SOD2: variants seen among roughly 807,000 people sequenced by gnomAD.
SOD2 encodes the protein superoxide dismutase 2.
A neutral mutation model predicts 27.0 loss-of-function variants in SOD2; 11 were observed. The observed-to-expected ratio is 0.41, with a 90% CI of 0.26 to 0.67. The LOEUF (loss-of-function observed/expected upper bound fraction) is 0.67, where lower values mean the gene tolerates loss of function less well. SOD2 is among the 30% of genes least tolerant of loss of function. The probability of loss-of-function intolerance (pLI) is 0.34; values close to 1 mark genes in which losing one functional copy is unlikely to be tolerated. For missense variants in SOD2, 250 were observed against 274.5 expected (o/e 0.91, Z 0.63); for synonymous variants, 105 against 103.0 (o/e 1.02, Z -0.12).
chr6:159,745,604 TGA>T (rs1159260315), upstream of SOD2, among the ~76,000 whole-genome samples: 3 of 152,028 alleles, frequency 2.0e-5, no homozygotes, highest in Admixed American at 1.3e-4. Flanking sequence ...AAGTTTCAGG[TGA>T]GAGTGAAAAA....
At chr6:159,749,460 G>T (rs570996229), upstream of SOD2, 28 of 979,214 alleles carry the variant, frequency 2.9e-5, no homozygotes, top group East Asian at 1.1e-4. Flanking sequence ...AGAATATTAT[G>T]ATGATTTTGT....
upstream of SOD2, among the ~76,000 whole-genome samples, chr6:159,731,320 T>C (rs1226668877): frequency 2.0e-5 from 3 of 151,096 alleles, no homozygotes; most frequent in Non-Finnish European, 4.4e-5. Context: ...AAAAACAAAT[T>C]AGCTGGGCGT....
chr6:159,684,442 C>A (rs1346771014), intron 4 of SOD2, among the ~76,000 whole-genome samples: 1 of 151,726 alleles, frequency 6.6e-6, no homozygotes, highest in Non-Finnish European at 1.5e-5. Context: ...CATGGTGAAA[C>A]CCTGTCTGTA....
At chr6:159,711,991 TCAGAC>T (rs1777794612) in intron 1 of SOD2, among the ~76,000 whole-genome samples, 4 of 86,712 alleles carry the variant, frequency 4.6e-5, no homozygotes, top group African/African-American at 2.0e-4. Flanking sequence ...CTCACACTGC[TCAGAC>T]CTCCATAACC....
chr6:159,743,594 T>TA, intron 1 of SOD2: 2 of 1,414,502 alleles, frequency 1.4e-6, no homozygotes, highest in East Asian at 2.4e-5. Context: ...CCCTAGTTCT[T>TA]ATTGTTCTTG....
chr6:159,721,778 G>C (rs182077511), intron 1 of SOD2, among the ~76,000 whole-genome samples: 7 of 146,754 alleles, frequency 4.8e-5, no homozygotes, highest in Admixed American at 4.3e-4. Flanking sequence ...GCTAGCCTCG[G>C]CCTCCCAAAG....
upstream of SOD2, among the ~76,000 whole-genome samples, chr6:159,746,559 T>C (rs1779588374): frequency 6.6e-6 from 1 of 152,232 alleles, no homozygotes; most frequent in Non-Finnish European, 1.5e-5. Flanking sequence ...TTTGTCTACA[T>C]GCAGTCTTTG....
rs537959196 is a variant in SOD2, at chr6:159,672,242, C to T, written c.*10251G>A. 28 of 152,184 alleles carry T rather than the reference C, an allele frequency of 1.8e-4. No homozygotes were observed. Among genetic ancestry groups the T allele is most frequent in the African/African-American group, 3.9e-4 (16 of 41,526 alleles). 9.4% of individuals were successfully genotyped at this position (152,184 alleles called of 1,614,324 possible). Reference sequence around the variant, plus strand: ...ATTCAAATTCAGGAAATACAGAGAACGCCACAAAGATACTCCTCGAGAAGA... The same window carrying T: ...ATTCAAATTCAGGAAATACAGAGAATGCCACAAAGATACTCCTCGAGAAGA... On this transcript the variant is annotated 3_prime_UTR_variant, in exon 5 of 5. Coordinates refer to ENST00000538183, the MANE Select transcript of SOD2 (RefSeq NM_000636.4).
chr6:159,721,673 AC>A (rs1778042977), intron 1 of SOD2, among the ~76,000 whole-genome samples: 2 of 109,232 alleles, frequency 1.8e-5, no homozygotes, highest in Admixed American at 1.1e-4. Flanking sequence ...ACTGCGGCTG[AC>A]CTTTTTTTTT....
intron 1 of SOD2, among the ~76,000 whole-genome samples, chr6:159,701,373 A>G (rs1459752939): frequency 2.0e-5 from 3 of 152,174 alleles, no homozygotes; most frequent in African/African-American, 7.2e-5. Context: ...AAGTGATTAT[A>G]AGACTTTTTA....
upstream of SOD2, chr6:159,727,549 GGGAGCGCAGGGGTTGCGGCGGGACTA>G (rs1778264347): frequency 5.1e-6 from 5 of 989,074 alleles, no homozygotes; most frequent in South Asian, 1.8e-4. Context: ...ACAAATAAAG[GGGAGCGCAGGGGTTGCGGCGGGACTA>G]GGAGCGCGGC....
At chr6:159,713,787 A>G in intron 1 of SOD2, 1 of 978,680 alleles carries the variant, frequency 1.0e-6, no homozygotes, top group Non-Finnish European at 1.7e-6. Context: ...TTTAAAGCCA[A>G]TTTCGCTTCA....
intron 1 of SOD2, among the ~76,000 whole-genome samples, chr6:159,700,064 A>G (rs936610948): frequency 1.3e-5 from 2 of 152,218 alleles, no homozygotes; most frequent in South Asian, 2.1e-4. Context: ...CATAAAATAA[A>G]ACTTCATTTT....
chr6:159,727,744 T>A (rs1361110988), upstream of SOD2: 2 of 981,020 alleles, frequency 2.0e-6, no homozygotes, highest in African/African-American at 3.5e-5. Context: ...GCGGGGGACC[T>A]CCGGGGCCTG....
At chr6:159,706,254 T>A (rs1279933851) in intron 1 of SOD2, among the ~76,000 whole-genome samples, 5 of 152,148 alleles carry the variant, frequency 3.3e-5, no homozygotes, top group Admixed American at 6.5e-5. Flanking sequence ...CAGGATCAAA[T>A]TCACACATAA....
chr6:159,712,797 G>T, intron 1 of SOD2: 1 of 535,374 alleles, frequency 1.9e-6, no homozygotes, highest in Non-Finnish European at 3.7e-6. Context: ...AGACTGGTTG[G>T]GTAAGCCCAT....
chr6:159,670,394 GT>G lies in SOD2; in HGVS notation c.*12098del, dbSNP rs755621106. The stretch of plus-strand genomic sequence containing the variant: ...TAACTAGGAGCTAAAAGATTCATTT[GT>G]TTTTTTCCTCCAGGCATCCACTCTG... On this transcript the variant is annotated 3_prime_UTR_variant, in exon 5 of 5. Coordinates refer to ENST00000538183, the MANE Select transcript of SOD2 (RefSeq NM_000636.4). 6.6e-6 allele frequency: 1 copy of G among 152,156 alleles called. No individual in the cohort carries two copies. The highest frequency in any genetic ancestry group is 2.4e-5 in the African/African-American group (1 of 41,426). 9.4% of individuals were successfully genotyped at this position (152,156 alleles called of 1,614,324 possible). A position where few individuals can be genotyped will look rare whatever the true frequency, so the allele number is the denominator to read the frequency against.
intron 1 of SOD2, among the ~76,000 whole-genome samples, chr6:159,757,082 G>A (rs1780025843): frequency 6.6e-6 from 1 of 152,170 alleles, no homozygotes; most frequent in Non-Finnish European, 1.5e-5. Flanking sequence ...AGGAGAAAAT[G>A]TTTTTAAGGT....
At chr6:159,689,178 A>G (rs1352020181) in intron 2 of SOD2, among the ~76,000 whole-genome samples, 2 of 152,176 alleles carry the variant, frequency 1.3e-5, no homozygotes, top group African/African-American at 4.8e-5. Flanking sequence ...TTGCACTCAC[A>G]TGACCAACTT....
Sources: allele counts gnomAD v4.1 joint callset (sites outside exome capture counted in the v4.1 genomes callset), GRCh38; gene constraint gnomAD v4.1.1; transcripts MANE v1.5; gene names NCBI Gene and HGNC (gene_info 2026-07-23, HGNC 2026-07-21).